ADCY5: variants seen among roughly 807,000 people sequenced by gnomAD.
ADCY5 encodes the protein adenylate cyclase 5, also known as adenylate cyclase type 5.
In ADCY5, 30 loss-of-function variants were observed where a neutral mutation model predicts 119.7. The observed-to-expected ratio is 0.25, with a 90% CI of 0.19 to 0.34. ADCY5 has a LOEUF of 0.34. Among genes scored for constraint, ADCY5 ranks in the 10% least tolerant of loss-of-function variants. The pLI, the probability that ADCY5 is intolerant of heterozygous loss-of-function variation, is 1.00. For synonymous variants in ADCY5, 753 were observed against 762.2 expected (o/e 0.99, Z 0.20); for missense variants, 1,324 against 1,775.2 (o/e 0.75, Z 4.57).
chr3:123,318,946 C>A (rs1941068527), intron 10 of ADCY5, among the ~76,000 whole-genome samples: 1 of 152,178 alleles, frequency 6.6e-6, no homozygotes, highest in Non-Finnish European at 1.5e-5. Flanking sequence ...ACTTTAACAC[C>A]TTGAGGTCCC....
chr3:123,386,515 C>T (rs1375828082), intron 1 of ADCY5, among the ~76,000 whole-genome samples: 1 of 152,214 alleles, frequency 6.6e-6, no homozygotes, highest in African/African-American at 2.4e-5. Context: ...AGCATAGTCT[C>T]GTTATGCCTA....
intron 1 of ADCY5, among the ~76,000 whole-genome samples, chr3:123,416,593 A>C (rs1193441372): frequency 6.6e-6 from 1 of 152,024 alleles, no homozygotes; most frequent in Non-Finnish European, 1.5e-5. Context: ...GAAAATACCA[A>C]CCCGTGGCTC....
At chr3:123,416,082 G>T (rs1945177777) in intron 1 of ADCY5, 1 of 1,318,938 alleles carries the variant, frequency 7.6e-7, no homozygotes, top group Non-Finnish European at 1.0e-6. Flanking sequence ...TACAGTACAG[G>T]CCCCAGGTGA....
In ADCY5 at chr3:123,375,955, G is replaced by T. The variant is rs957448966; in HGVS notation, c.1135-23374C>A. 9.2e-5 allele frequency among the ~76,000 whole-genome samples: 14 copies of T among 151,866 alleles called. 1 individual carries two copies. The highest frequency in any genetic ancestry group is 8.5e-4 in the Admixed American group (13 of 15,254). On this transcript the variant is annotated intron_variant, in intron 1 of 20. Coordinates refer to ENST00000462833, the MANE Select transcript of ADCY5 (RefSeq NM_183357.3). ...GACTCCACGCGAGCCTTTGGAGCAT[G>T]GCGGGAATCATGGTACTGATGGTGA... is the stretch of plus-strand genomic sequence containing the variant.
At chr3:123,317,984 C>G in intron 11 of ADCY5, 36 bp downstream of exon 11, 5 of 1,580,308 alleles carry the variant, frequency 3.2e-6, no homozygotes, top group Non-Finnish European at 4.3e-6. Flanking sequence ...TCCCTGCAGC[C>G]AGAGGAAGGA....
Position 123,304,287 on chromosome 3 carries a change from T to C in ADCY5, c.2443-104A>G, listed in dbSNP as rs573282401. The C allele has an allele frequency of 1.4e-5, 11 of 758,986 alleles. No individual in the cohort carries two copies. The Admixed American group carries it at 1.9e-4, about 13-fold the overall frequency. 47.0% of individuals were successfully genotyped at this position (758,986 alleles called of 1,614,324 possible). A position where few individuals can be genotyped will look rare whatever the true frequency, so the allele number is the denominator to read the frequency against. On this transcript the variant is annotated intron_variant, in intron 12 of 20. Coordinates refer to ENST00000462833, the MANE Select transcript of ADCY5 (RefSeq NM_183357.3). The stretch of plus-strand genomic sequence containing the variant: ...GGAGTGCAGTGGACCCACCTGTGTC[T>C]CTCCCCAGCATGACCCCTGGGCCTT...
At chr3:123,374,243 A>G (rs1351007138) in intron 1 of ADCY5, among the ~76,000 whole-genome samples, 1 of 152,182 alleles carries the variant, frequency 6.6e-6, no homozygotes, top group East Asian at 1.9e-4. Flanking sequence ...CAGGTGGGGC[A>G]GTGAAGAGGC....
intron 1 of ADCY5, among the ~76,000 whole-genome samples, chr3:123,421,872 T>C (rs1471920236): frequency 6.6e-6 from 1 of 152,174 alleles, no homozygotes; most frequent in Admixed American, 6.5e-5. Context: ...TGAAACTCAC[T>C]GTGTTCAAGC....
chr3:123,382,538 A>T (rs934681339), intron 1 of ADCY5, among the ~76,000 whole-genome samples: 3 of 152,260 alleles, frequency 2.0e-5, no homozygotes, highest in Non-Finnish European at 4.4e-5. Flanking sequence ...ATGTCAGATG[A>T]ATGAATAGAT....
intron 7 of ADCY5, among the ~76,000 whole-genome samples, chr3:123,325,832 A>T (rs1941460540): frequency 6.6e-6 from 1 of 152,252 alleles, no homozygotes; most frequent in African/African-American, 2.4e-5. Flanking sequence ...AGGCTCCGAA[A>T]GGCCTGAGCT....
chr3:123,295,492 G>A (rs1048151767), intron 17 of ADCY5, among the ~76,000 whole-genome samples: 1 of 152,236 alleles, frequency 6.6e-6, no homozygotes, highest in Non-Finnish European at 1.5e-5. Context: ...ACAAGGCACA[G>A]GGCAGGCAGC....
intron 17 of ADCY5, among the ~76,000 whole-genome samples, chr3:123,292,520 C>T (rs555239209): frequency 2.1e-4 from 32 of 152,246 alleles, no homozygotes; most frequent in East Asian, 9.7e-4. Flanking sequence ...GGCTTCTGGA[C>T]GCTAAAGGGC....
intron 12 of ADCY5, among the ~76,000 whole-genome samples, chr3:123,305,262 C>A (rs1008740534): frequency 2.0e-5 from 3 of 152,198 alleles, no homozygotes; most frequent in Non-Finnish European, 2.9e-5. Flanking sequence ...AGCATCCCTG[C>A]AAATTCTTGC....
intron 1 of ADCY5, among the ~76,000 whole-genome samples, chr3:123,411,028 A>G (rs559806803): frequency 6.6e-6 from 1 of 152,220 alleles, no homozygotes; most frequent in South Asian, 2.1e-4. Flanking sequence ...GCACCCACTT[A>G]TCTCCAAAGC....
chr3:123,391,553 G>A (rs1355399387), intron 1 of ADCY5, among the ~76,000 whole-genome samples: 2 of 152,020 alleles, frequency 1.3e-5, no homozygotes, highest in Non-Finnish European at 2.9e-5. Context: ...ACACTGCCTG[G>A]GCTGTCTCCA....
intron 1 of ADCY5, chr3:123,419,132 A>G (rs1389366309): frequency 1.0e-6 from 1 of 984,714 alleles, no homozygotes; most frequent in Non-Finnish European, 1.2e-6. Flanking sequence ...TCTCCAGGGA[A>G]CGCTGATAGT....
At chr3:123,309,216 G>T (rs1940407902) in intron 12 of ADCY5, among the ~76,000 whole-genome samples, 1 of 152,178 alleles carries the variant, frequency 6.6e-6, no homozygotes, top group African/African-American at 2.4e-5. Context: ...AAAGATAAAA[G>T]GAGGGGATGA....
At chr3:123,416,445 T>A in intron 1 of ADCY5, 2 of 1,056,802 alleles carry the variant, frequency 1.9e-6, no homozygotes, top group Non-Finnish European at 2.7e-6. Flanking sequence ...CTGATTTGAC[T>A]AGAAAGGAGG....
At chr3:123,364,157 T>G (rs1008640058) in intron 1 of ADCY5, among the ~76,000 whole-genome samples, 1 of 152,216 alleles carries the variant, frequency 6.6e-6, no homozygotes, top group Non-Finnish European at 1.5e-5. Context: ...TTACTTTTTT[T>G]CTTTATACCA....
Sources: gnomAD v4.1 joint callset for allele counts (sites outside exome capture counted in the v4.1 genomes callset) on GRCh38, gnomAD v4.1.1 for gene constraint, MANE v1.5 for transcripts, NCBI Gene and HGNC (gene_info 2026-07-23, HGNC 2026-07-21) for gene names.